SLC44A5: variants seen among roughly 807,000 people sequenced by gnomAD.
SLC44A5 encodes the protein choline transporter-like protein 5.
A neutral mutation model predicts 101.8 loss-of-function variants in SLC44A5; 57 were observed. The ratio of observed to expected loss-of-function variants is 0.56; its 90% CI spans 0.45 to 0.70. SLC44A5 has a LOEUF of 0.70. SLC44A5 is among the 30% of genes least tolerant of loss of function. The pLI is 0.00. For synonymous variants in SLC44A5, 281 were observed against 290.9 expected (o/e 0.97, Z 0.35); for missense variants, 737 against 853.1 (o/e 0.86, Z 1.70).
rs376104846 is a variant in SLC44A5 at position 75,320,126 on chromosome 1, G to A, written c.102-19441C>T. On this transcript the variant is annotated intron_variant, in intron 4 of 23. Coordinates refer to ENST00000370859, the MANE Select transcript of SLC44A5 (RefSeq NM_001130058.2). ...TTCTGGGAAGTCAAGAATGTAGGACGTCTAAGCTTATAGTGTAATATGGTT... is the reference window on the plus strand; with the variant it reads ...TTCTGGGAAGTCAAGAATGTAGGACATCTAAGCTTATAGTGTAATATGGTT... Among the ~76,000 whole-genome samples, 25 of 152,168 alleles carry A rather than the reference G, an allele frequency of 1.6e-4. No individual in the cohort carries two copies. The South Asian group carries it at 4.8e-3, about 29-fold the overall frequency.
intron 2 of SLC44A5, among the ~76,000 whole-genome samples, chr1:75,453,215 T>A (rs1438075219): frequency 1.3e-5 from 2 of 151,974 alleles, no homozygotes; most frequent in Admixed American, 1.3e-4. Flanking sequence ...AAAATATAAA[T>A]CAATACCAAG....
intron 1 of SLC44A5, among the ~76,000 whole-genome samples, chr1:75,548,391 A>G (rs1048865154): frequency 3.3e-5 from 5 of 152,166 alleles, no homozygotes; most frequent in Non-Finnish European, 1.5e-5. Flanking sequence ...ATGAAATTTA[A>G]TGATCTTTAA....
chr1:75,715,757 C>T, the SLC44A5 span, among the ~76,000 whole-genome samples: 11 of 152,166 alleles, frequency 7.2e-5, no homozygotes, highest in African/African-American at 2.6e-4. Flanking sequence ...ATGACAAAGA[C>T]GACAAAAACA....
At chr1:75,680,939 G>A in the SLC44A5 span, among the ~76,000 whole-genome samples, 35 of 149,946 alleles carry the variant, frequency 2.3e-4, no homozygotes, top group African/African-American at 5.6e-4. Flanking sequence ...TATCACCACC[G>A]AACCCACAGA....
the SLC44A5 span, among the ~76,000 whole-genome samples, chr1:75,707,887 T>G: frequency 6.6e-6 from 1 of 152,118 alleles, no homozygotes; most frequent in Non-Finnish European, 1.5e-5. Flanking sequence ...ATGTTACAAA[T>G]TTTCATCTAT....
intron 2 of SLC44A5, among the ~76,000 whole-genome samples, chr1:75,460,462 C>T (rs543770979): frequency 6.6e-6 from 1 of 152,248 alleles, no homozygotes; most frequent in Admixed American, 6.5e-5. Context: ...CAAAGTGAAA[C>T]CTTTCTCCCA....
chr1:75,488,755 CT>C (rs1365887507), intron 2 of SLC44A5, among the ~76,000 whole-genome samples: 3 of 152,152 alleles, frequency 2.0e-5, no homozygotes, highest in African/African-American at 7.2e-5. Flanking sequence ...TGACATTTTT[CT>C]GTAGTTATAG....
chr1:75,682,298 T>G, the SLC44A5 span, among the ~76,000 whole-genome samples: 1 of 152,040 alleles, frequency 6.6e-6, no homozygotes, highest in Non-Finnish European at 1.5e-5. Context: ...CATTGCCAAG[T>G]CAATCCTCAG....
At chr1:75,434,463 C>T (rs932261259) in intron 2 of SLC44A5, among the ~76,000 whole-genome samples, 3 of 152,068 alleles carry the variant, frequency 2.0e-5, no homozygotes, top group Non-Finnish European at 4.4e-5. Context: ...TCTTAGTCAC[C>T]TTCATATTCC....
chr1:75,653,660 G>C, the SLC44A5 span, among the ~76,000 whole-genome samples: 6 of 152,108 alleles, frequency 3.9e-5, no homozygotes, highest in East Asian at 9.6e-4. Context: ...AAAGATAGTT[G>C]CACAGTCTGA....
chr1:75,409,569 G>A (rs1663142059), intron 2 of SLC44A5, among the ~76,000 whole-genome samples: 1 of 151,952 alleles, frequency 6.6e-6, no homozygotes, highest in Non-Finnish European at 1.5e-5. Context: ...AGTCCAGATA[G>A]CAAAGAGAAT....
intron 8 of SLC44A5, among the ~76,000 whole-genome samples, chr1:75,242,281 C>A (rs938021232): frequency 2.6e-5 from 4 of 151,846 alleles, no homozygotes; most frequent in Non-Finnish European, 5.9e-5. Flanking sequence ...ATAATAAAAC[C>A]AGATCATCTG....
At chr1:75,582,277 T>C (rs1382406251) in intron 1 of SLC44A5, 4 of 1,531,058 alleles carry the variant, frequency 2.6e-6, no homozygotes, top group Non-Finnish European at 2.7e-6. Context: ...AGGCCAACAA[T>C]GCCAAGGCCA....
intron 1 of SLC44A5, among the ~76,000 whole-genome samples, chr1:75,578,435 T>G (rs55694101): frequency 0.15 from 23,366 of 152,150 alleles, 2,040 homozygotes; most frequent in Admixed American, 0.23. Context: ...GATTGATAGA[T>G]AGATAGATAG....
chr1:75,576,459 G>A (rs1673371127), intron 1 of SLC44A5, among the ~76,000 whole-genome samples: 1 of 150,534 alleles, frequency 6.6e-6, no homozygotes, highest in South Asian at 2.1e-4. Context: ...GACTACAGGC[G>A]CCCGCCACCA....
Position 75,242,002 on chromosome 1 carries a change from A to T in SLC44A5, c.531T>A (p.Pro177=). The T allele has an allele frequency of 6.2e-7, 1 of 1,611,598 alleles. No homozygotes were observed. ...DCPTAIFPSK[P]FLQRCFPDFS... ...TAAGGTAAAATAGTTGCCACTTACAAGGTTTGCTGGGAAAAATCGCTGTTG... is the reference window on the plus strand; with the variant it reads ...TAAGGTAAAATAGTTGCCACTTACATGGTTTGCTGGGAAAAATCGCTGTTG... The change falls in exon 9 of 24, where the codon CCT becomes CCA. Residue 177 remains proline, a splice_region_variant and synonymous_variant. Coordinates refer to ENST00000370859, the MANE Select transcript of SLC44A5 (RefSeq NM_001130058.2).
intron 1 of SLC44A5, among the ~76,000 whole-genome samples, chr1:75,597,700 G>T (rs1488664069): frequency 1.3e-5 from 2 of 151,908 alleles, no homozygotes; most frequent in African/African-American, 4.8e-5. Flanking sequence ...AATGGAGAAA[G>T]TATTCCCTAA....
intron 4 of SLC44A5, among the ~76,000 whole-genome samples, chr1:75,318,249 C>T (rs1357173158): frequency 6.6e-6 from 1 of 151,844 alleles, no homozygotes; most frequent in African/African-American, 2.4e-5. Context: ...GGGTCACGCA[C>T]ACCTGTAGTC....
chr1:75,307,137 CATT>C (rs1251643116), intron 4 of SLC44A5, among the ~76,000 whole-genome samples: 1 of 152,124 alleles, frequency 6.6e-6, no homozygotes, highest in African/African-American at 2.4e-5. Context: ...TCCTAAAAGT[CATT>C]ATTCTCTGAC....
Sources: gnomAD v4.1 joint callset for allele counts (sites outside exome capture counted in the v4.1 genomes callset) on GRCh38, gnomAD v4.1.1 for gene constraint, MANE v1.5 for transcripts, NCBI Gene and HGNC (gene_info 2026-07-23, HGNC 2026-07-21) for gene names.